The following NOS1 variants were observed in gnomAD, a reference collection of about 807,000 sequenced individuals.
The protein encoded by NOS1 is NOS type I.
A neutral mutation model predicts 164.5 loss-of-function variants in NOS1; 51 were observed. That is an observed-to-expected ratio of 0.31 (90% confidence interval 0.25 to 0.39). The LOEUF (loss-of-function observed/expected upper bound fraction) is 0.39, where lower values mean the gene tolerates loss of function less well. Ranked by LOEUF, NOS1 falls within the 10% of genes least tolerant of loss-of-function variation. The pLI is 1.00. For synonymous variants in NOS1, 719 were observed against 745.8 expected (o/e 0.96, Z 0.59); for missense variants, 1,362 against 1,885.6 (o/e 0.72, Z 5.14).
At chr12:117,348,740 A>G (rs1020108771) in intron 1 of NOS1, among the ~76,000 whole-genome samples, 2 of 152,206 alleles carry the variant, frequency 1.3e-5, no homozygotes, top group African/African-American at 4.8e-5. Flanking sequence ...AAATTCACAC[A>G]AAGTGGCACT....
Position 117,335,729 on chromosome 12 carries a change from T to TGGGAGAGAGAGAGAGA in NOS1, c.-420-4241_-420-4240insTCTCTCTCTCTCTCCC, listed in dbSNP as rs368456314. Among the ~76,000 whole-genome samples the TGGGAGAGAGAGAGAGA allele has an allele frequency of 2.5e-3, 279 of 112,592 alleles. 9 individuals are homozygous for TGGGAGAGAGAGAGAGA. Among genetic ancestry groups the TGGGAGAGAGAGAGAGA allele is most frequent in the African/African-American group, 9.0e-3 (253 of 28,026 alleles). 73.9% of individuals were successfully genotyped at this position (112,592 alleles called of 152,430 possible). A position where few individuals can be genotyped will look rare whatever the true frequency, so the allele number is the denominator to read the frequency against. Reference sequence around the variant, plus strand: ...TTTTATTTAATTGTTACAGACTATATGAGAGAGAGAGAGAGAGAGAGAGAG... The same window carrying TGGGAGAGAGAGAGAGA: ...TTTTATTTAATTGTTACAGACTATATGGGAGAGAGAGAGAGAGAGAGAGAGAGAGAGAGAGAGAGAG... On this transcript the variant is annotated intron_variant, in intron 1 of 28. Transcript: ENST00000317775.
At position 117,349,879 on chromosome 12, in the gene NOS1, C is replaced by T. The variant is rs182185406; in HGVS notation, c.-421+11633G>A. ...CTGGGACTACAGGCACGAGCCACCA[C>T]ACTTGGTTAATTTTTTATTTTTTTT... On this transcript the variant is annotated intron_variant, in intron 1 of 28. Transcript: ENST00000317775. Among the ~76,000 whole-genome samples the T allele has an allele frequency of 4.8e-5, 6 of 124,080 alleles. No homozygotes were observed. In the East Asian group the frequency reaches 1.3e-3, roughly 27 times the overall value. 81.4% of individuals were successfully genotyped at this position (124,080 alleles called of 152,430 possible).
intron 28 of NOS1, among the ~76,000 whole-genome samples, chr12:117,216,482 T>A (rs1956613222): frequency 6.6e-6 from 1 of 150,846 alleles, no homozygotes; most frequent in Non-Finnish European, 1.5e-5. Context: ...GCGCCCGGCC[T>A]TTTTTTTTCT....
intron 17 of NOS1, among the ~76,000 whole-genome samples, chr12:117,248,550 T>C (rs1233225670): frequency 2.0e-5 from 3 of 151,236 alleles, no homozygotes; most frequent in Admixed American, 6.6e-5. Context: ...GGCTGCATAG[T>C]ATTCCATGGT....
At chr12:117,296,045 G>A (rs1430679550) in intron 3 of NOS1, among the ~76,000 whole-genome samples, 2 of 151,992 alleles carry the variant, frequency 1.3e-5, no homozygotes, top group East Asian at 3.9e-4. Context: ...GAGCATATAT[G>A]TACCTGGACA....
In NOS1 at chr12:117,234,742, C is replaced by G. The variant is rs775247899; in HGVS notation, c.3058G>C (p.Val1020Leu). ...SPKSSRSTIFVRLHTNGSQEL... is the reference protein window; with the variant it reads ...SPKSSRSTIFLRLHTNGSQEL... The stretch of plus-strand genomic sequence containing the variant: ...TGGCTCCCGTTGGTGTGGAGACGCA[C>G]GAAGATAGTTGACCGACTGCAGGAA... The change falls in exon 21 of 29, where the codon GTG becomes CTG. Residue 1020 changes from valine (V) to leucine (L), a missense_variant. Val to Leu is a conservative substitution (Grantham distance 32, BLOSUM62 1). This residue lies in a region of NOS1 where 737 missense variants were observed against 1,030.3 expected (regional missense o/e 0.72). Transcript: ENST00000317775. The surrounding 1 kb of genome is among the most constrained non-coding windows in gnomAD (Gnocchi z 4.3). The G allele has an allele frequency of 8.1e-6, 13 of 1,611,166 alleles. No homozygotes were observed. The highest frequency in any genetic ancestry group is 2.2e-5 in the East Asian group (1 of 44,794).
chr12:117,284,408 C>T (rs1873934854), intron 7 of NOS1, among the ~76,000 whole-genome samples: 1 of 152,210 alleles, frequency 6.6e-6, no homozygotes, highest in African/African-American at 2.4e-5. Context: ...CCTCGGCCTG[C>T]TCCCTGTGGC....
intron 13 of NOS1, among the ~76,000 whole-genome samples, chr12:117,262,420 G>T (rs965074926): frequency 1.8e-4 from 26 of 143,846 alleles, no homozygotes; most frequent in Non-Finnish European, 3.3e-4. Context: ...GAGAGGGAGG[G>T]AGGGAGGGAG....
In NOS1 at chr12:117,284,293, G is replaced by A. The variant is rs1016257998; in HGVS notation, c.1382+948C>T. On this transcript the variant is annotated intron_variant, in intron 7 of 28. Coordinates refer to ENST00000317775, the MANE Select transcript of NOS1 (RefSeq NM_000620.5). ...AGCAGTGAGCGGGCAGAGTCAACAAGTGTAGCCGGCTGTCTGTGGGGCCCC... is the reference window on the plus strand; with the variant it reads ...AGCAGTGAGCGGGCAGAGTCAACAAATGTAGCCGGCTGTCTGTGGGGCCCC... Among the ~76,000 whole-genome samples the A allele has an allele frequency of 2.6e-4, 39 of 152,316 alleles. 1 individual carries two copies. The highest frequency in any genetic ancestry group is 9.1e-4 in the African/African-American group (38 of 41,566).
At chr12:117,346,736 A>G (rs371687517) in intron 1 of NOS1, among the ~76,000 whole-genome samples, 2 of 152,256 alleles carry the variant, frequency 1.3e-5, no homozygotes, top group East Asian at 1.9e-4. Flanking sequence ...GAGTTTGAGA[A>G]ACACTGGTAC....
chr12:117,351,013 C>T (rs1213109494), intron 1 of NOS1, among the ~76,000 whole-genome samples: 1 of 152,154 alleles, frequency 6.6e-6, no homozygotes, highest in East Asian at 1.9e-4. Flanking sequence ...ACCCAGGAGG[C>T]TGATGCAGGA....
At chr12:117,314,123 CT>C (rs1219908638) in intron 2 of NOS1, among the ~76,000 whole-genome samples, 1 of 152,222 alleles carries the variant, frequency 6.6e-6, no homozygotes, top group Admixed American at 6.5e-5. Context: ...CATGCTGTCC[CT>C]GTGGCCCACA....
chr12:117,252,757 C>T (rs1044581844), intron 17 of NOS1, among the ~76,000 whole-genome samples: 1 of 152,184 alleles, frequency 6.6e-6, no homozygotes, highest in Non-Finnish European at 1.5e-5. Context: ...TCCTGGAGGA[C>T]ATAACAGATA....
intron 9 of NOS1, among the ~76,000 whole-genome samples, chr12:117,275,615 T>C (rs1483787314): frequency 6.6e-6 from 1 of 152,136 alleles, no homozygotes; most frequent in East Asian, 1.9e-4. Context: ...TTAACATTAA[T>C]ATACATTTTC....
chr12:117,353,306 T>C (rs969420073), intron 1 of NOS1, among the ~76,000 whole-genome samples: 3 of 152,068 alleles, frequency 2.0e-5, no homozygotes, highest in African/African-American at 7.3e-5. Flanking sequence ...TGTCTATCTA[T>C]CATCTATCTA....
intron 3 of NOS1, among the ~76,000 whole-genome samples, chr12:117,295,230 G>A (rs1008660272): frequency 3.9e-5 from 6 of 152,220 alleles, no homozygotes; most frequent in Admixed American, 6.5e-5. Flanking sequence ...TGCAGACGGC[G>A]TGGCCCACTG....
intron 3 of NOS1, among the ~76,000 whole-genome samples, chr12:117,309,994 C>A (rs1288313855): frequency 1.3e-5 from 2 of 152,206 alleles, no homozygotes; most frequent in African/African-American, 4.8e-5. Flanking sequence ...GCAGCCTTGA[C>A]CTTCCAGGCT....
intron 1 of NOS1, among the ~76,000 whole-genome samples, chr12:117,342,712 A>T (rs1450318172): frequency 6.6e-6 from 1 of 152,136 alleles, no homozygotes; most frequent in Non-Finnish European, 1.5e-5. Context: ...CAGTGGTCAG[A>T]TTTAGATTTT....
In NOS1 at chr12:117,234,877, G is replaced by A. The variant is rs568772774; in HGVS notation, c.3042-119C>T. On this transcript the variant is annotated intron_variant, in intron 20 of 28. Transcript: ENST00000317775. The surrounding 1 kb of genome is among the most constrained non-coding windows in gnomAD (Gnocchi z 4.3). ...CCTCCTTCCATTCTTGTTGGGGCCC[G>A]TGCTAACCAAGCCTATGCCCCCATC... is the stretch of plus-strand genomic sequence containing the variant. 3.9e-5 allele frequency: 28 copies of A among 722,654 alleles called. No homozygotes were observed. The highest frequency in any genetic ancestry group is 5.8e-5 in the Admixed American group (2 of 34,676). The allele number at this position is 722,654 out of a possible 1,614,324, so 44.8% of individuals were successfully genotyped here. A position where few individuals can be genotyped will look rare whatever the true frequency, so the allele number is the denominator to read the frequency against.
Sources: allele counts gnomAD v4.1 joint callset (sites outside exome capture counted in the v4.1 genomes callset), GRCh38; gene constraint gnomAD v4.1.1; regional missense constraint gnomAD v4.1.1; non-coding constraint Gnocchi (gnomAD v3.1); transcripts MANE v1.5; gene names NCBI Gene and HGNC (gene_info 2026-07-23, HGNC 2026-07-21).